The following SNX27 variants were observed in gnomAD, a reference collection of about 807,000 sequenced individuals.
SNX27 encodes the protein sorting nexin-27.
SNX27 carries 22 observed loss-of-function variants against 71.6 expected under a neutral mutation model. The ratio of observed to expected loss-of-function variants is 0.31; its 90% CI spans 0.22 to 0.44. The LOEUF (loss-of-function observed/expected upper bound fraction) is 0.44, where lower values mean the gene tolerates loss of function less well. Ranked by LOEUF, SNX27 falls within the 20% of genes least tolerant of loss-of-function variation. The probability of loss-of-function intolerance (pLI) is 1.00; values close to 1 mark genes in which losing one functional copy is unlikely to be tolerated. For missense variants in SNX27, 531 were observed against 698.6 expected, an observed-to-expected ratio of 0.76 and a Z score of 2.70; for synonymous variants, 269 against 277.2, an observed-to-expected ratio of 0.97 and a Z score of 0.29.
At position 151,693,577 on chromosome 1, in the gene SNX27, A is replaced by G. The variant is rs1010334133; in HGVS notation, c.1578+94A>G. 3 of 1,613,312 alleles carry G rather than the reference A, an allele frequency of 1.9e-6. No individual in the cohort carries two copies. In the African/African-American group the frequency reaches 4.0e-5, roughly 22 times the overall value. ...CCAAATACCTGGGACCCTCACCTCC[A>G]TCTCTGTCTTTCTAGGAATATTAGT... On this transcript the variant is annotated intron_variant, in intron 11 of 11. Coordinates refer to ENST00000458013, the MANE Select transcript of SNX27 (RefSeq NM_001330723.2).
chr1:151,622,767 A>G (rs1667732537), intron 1 of SNX27, among the ~76,000 whole-genome samples: 1 of 152,162 alleles, frequency 6.6e-6, no homozygotes, highest in Admixed American at 6.5e-5. Context: ...TAGGAAAATC[A>G]TCATGGCTAT....
intron 3 of SNX27, chr1:151,660,442 C>T: frequency 6.1e-6 from 1 of 164,102 alleles, no homozygotes; most frequent in Non-Finnish European, 1.3e-5. Flanking sequence ...CCTGATTAAT[C>T]TTTCCCTACC....
chr1:151,616,867 A>G (rs1410341934), intron 1 of SNX27, among the ~76,000 whole-genome samples: 1 of 152,142 alleles, frequency 6.6e-6, no homozygotes, highest in Non-Finnish European at 1.5e-5. Flanking sequence ...AAGGGTTATG[A>G]TTCAGTAGAT....
intron 2 of SNX27, among the ~76,000 whole-genome samples, chr1:151,644,612 C>A (rs995366471): frequency 6.6e-6 from 1 of 151,962 alleles, no homozygotes; most frequent in African/African-American, 2.4e-5. Context: ...TATGTGTTTT[C>A]ATTTTTCTTG....
At chr1:151,624,627 T>G (rs1161522099) in intron 1 of SNX27, among the ~76,000 whole-genome samples, 1 of 151,298 alleles carries the variant, frequency 6.6e-6, no homozygotes, top group Non-Finnish European at 1.5e-5. Flanking sequence ...AGATGGGGTT[T>G]CACCATATTG....
intron 7 of SNX27, among the ~76,000 whole-genome samples, chr1:151,668,965 C>T (rs902466102): frequency 6.6e-6 from 1 of 152,170 alleles, no homozygotes; most frequent in African/African-American, 2.4e-5. Flanking sequence ...AATAGTTCTA[C>T]ACAGTTTATT....
chr1:151,679,125 T>C (rs1670828414), intron 7 of SNX27: 1 of 152,214 alleles, frequency 6.6e-6, no homozygotes, highest in South Asian at 2.1e-4. Flanking sequence ...CAATTATTTT[T>C]GTATCATATT....
chr1:151,686,178 A>G (rs16833465), intron 8 of SNX27, among the ~76,000 whole-genome samples: 4,767 of 152,330 alleles, frequency 0.031, 282 homozygotes, highest in African/African-American at 0.11. Context: ...TGATAATACC[A>G]GTGTGGAATA....
chr1:151,651,225 G>A (rs535887728), intron 2 of SNX27, among the ~76,000 whole-genome samples: 4 of 150,880 alleles, frequency 2.7e-5, no homozygotes, highest in South Asian at 2.1e-4. Context: ...CTGGCCGGGC[G>A]GGGGGCTGAC....
At chr1:151,621,840 C>T (rs1371055976) in intron 1 of SNX27, among the ~76,000 whole-genome samples, 2 of 152,128 alleles carry the variant, frequency 1.3e-5, no homozygotes, top group Non-Finnish European at 2.9e-5. Flanking sequence ...ACTTTTTCTA[C>T]TTATTTTGCT....
At chr1:151,693,548 G>A (rs1671560453) in intron 11 of SNX27, 65 bp downstream of exon 11, 1 of 1,611,944 alleles carries the variant, frequency 6.2e-7, no homozygotes, top group African/African-American at 1.3e-5. Context: ...TTATAGGCCT[G>A]TGGCCAAATA....
rs560570501 is a variant in SNX27 at position 151,650,886 on chromosome 1, C to G, written c.544-7349C>G. ...TAATCCATTTAACCCTGAGTGGACACAGCACATGTTTCAGAGAGCACAGGG... is the reference window on the plus strand; with the variant it reads ...TAATCCATTTAACCCTGAGTGGACAGAGCACATGTTTCAGAGAGCACAGGG... On this transcript the variant is annotated intron_variant, in intron 2 of 11. Coordinates refer to ENST00000458013, the MANE Select transcript of SNX27 (RefSeq NM_001330723.2). Among the ~76,000 whole-genome samples the G allele has an allele frequency of 3.3e-5, 5 of 152,232 alleles. No homozygotes were observed. The South Asian group carries it at 1.0e-3, about 32-fold the overall frequency.
At chr1:151,677,333 C>T (rs769602929) in intron 7 of SNX27, 5 of 151,934 alleles carry the variant, frequency 3.3e-5, no homozygotes, top group Admixed American at 6.6e-5. Context: ...TTATCAATGC[C>T]CCCTTAAATT....
intron 2 of SNX27, among the ~76,000 whole-genome samples, chr1:151,652,219 G>GGAGAGC (rs1364981207): frequency 3.5e-5 from 4 of 114,330 alleles, no homozygotes; most frequent in Non-Finnish European, 1.9e-5. Flanking sequence ...AGAGGGAGAG[G>GGAGAGC]GAGAGGGAGA....
chr1:151,630,583 G>GT (rs1046083918), intron 1 of SNX27, among the ~76,000 whole-genome samples: 2 of 152,164 alleles, frequency 1.3e-5, no homozygotes, highest in Non-Finnish European at 2.9e-5. Context: ...CATTCCAAAT[G>GT]TCTTTGATAT....
intron 7 of SNX27, among the ~76,000 whole-genome samples, chr1:151,681,920 T>C (rs1670984843): frequency 6.6e-6 from 1 of 152,078 alleles, no homozygotes; most frequent in Admixed American, 6.6e-5. Context: ...GTTTCCTATC[T>C]TTAGCTTATA....
chr1:151,644,785 G>C (rs186479803), intron 2 of SNX27, among the ~76,000 whole-genome samples: 3 of 152,008 alleles, frequency 2.0e-5, no homozygotes, highest in African/African-American at 4.8e-5. Context: ...TATTTATTTA[G>C]TATATTGTGA....
chr1:151,641,660 CAGAT>C (rs1558046638), intron 2 of SNX27, among the ~76,000 whole-genome samples: 3 of 109,720 alleles, frequency 2.7e-5, no homozygotes, highest in South Asian at 3.2e-4. Flanking sequence ...TCATATGTAT[CAGAT>C]ATATATATCA....
At chr1:151,646,917 T>A (rs2102649903) in intron 2 of SNX27, among the ~76,000 whole-genome samples, 1 of 150,310 alleles carries the variant, frequency 6.7e-6, no homozygotes, top group East Asian at 2.0e-4. Context: ...AAACACACAC[T>A]ATATATATAA....
Sources: gnomAD v4.1 joint callset for allele counts (sites outside exome capture counted in the v4.1 genomes callset) on GRCh38, gnomAD v4.1.1 for gene constraint, MANE v1.5 for transcripts, NCBI Gene and HGNC (gene_info 2026-07-23, HGNC 2026-07-21) for gene names.